Variants in DIP2B observed in about 807,000 individuals in gnomAD.
DIP2B encodes the protein disco-interacting protein 2 homolog B.
Under a neutral mutation model 198.0 loss-of-function variants are expected in DIP2B, and 76 were observed. That is an observed-to-expected ratio of 0.38 (90% confidence interval 0.32 to 0.46). DIP2B has a LOEUF of 0.46. Among genes scored for constraint, DIP2B ranks in the 20% least tolerant of loss-of-function variants. The probability of loss-of-function intolerance (pLI) is 0.99; values close to 1 mark genes in which losing one functional copy is unlikely to be tolerated. For missense variants in DIP2B, 1,559 were observed against 1,978.4 expected, an observed-to-expected ratio of 0.79 and a Z score of 4.02; for synonymous variants, 701 against 739.1, an observed-to-expected ratio of 0.95 and a Z score of 0.84.
intron 1 of DIP2B, among the ~76,000 whole-genome samples, chr12:50,517,838 C>T (rs1319616633): frequency 3.9e-5 from 6 of 151,942 alleles, no homozygotes; most frequent in African/African-American, 1.5e-4. Flanking sequence ...CCTTTTTTTG[C>T]CCGGTTAACT....
At chr12:50,597,792 T>C (rs1418359856) in intron 1 of DIP2B, among the ~76,000 whole-genome samples, 1 of 152,220 alleles carries the variant, frequency 6.6e-6, no homozygotes, top group African/African-American at 2.4e-5. Context: ...TTTTTTGTAA[T>C]TACATTTTCA....
chr12:50,641,348 G>T (rs928330303), intron 3 of DIP2B, among the ~76,000 whole-genome samples: 4 of 152,044 alleles, frequency 2.6e-5, no homozygotes, highest in Non-Finnish European at 5.9e-5. Context: ...CAGTGAGACT[G>T]CATCTCAAAA....
intron 13 of DIP2B, among the ~76,000 whole-genome samples, 178 bp downstream of exon 13, chr12:50,691,329 C>T (rs570770251): frequency 6.6e-6 from 1 of 152,220 alleles, no homozygotes; most frequent in Admixed American, 6.5e-5. Flanking sequence ...TTTAAAGGAA[C>T]CAAAATTCTG....
chr12:50,515,600 C>T (rs1315840881), intron 1 of DIP2B, among the ~76,000 whole-genome samples: 1 of 152,166 alleles, frequency 6.6e-6, no homozygotes, highest in Non-Finnish European at 1.5e-5. Context: ...CTTCTGGCTT[C>T]CTAACCTTCC....
chr12:50,553,955 G>A (rs753863200), intron 1 of DIP2B, among the ~76,000 whole-genome samples: 7 of 151,964 alleles, frequency 4.6e-5, no homozygotes, highest in Non-Finnish European at 7.4e-5. Flanking sequence ...CGCTTGGGCT[G>A]TTTTCCTTTT....
At chr12:50,583,717 A>G (rs1958745336) in intron 1 of DIP2B, among the ~76,000 whole-genome samples, 1 of 152,242 alleles carries the variant, frequency 6.6e-6, no homozygotes, top group Admixed American at 6.5e-5. Flanking sequence ...CCCATCATAA[A>G]TAAAAGAGCA....
At chr12:50,635,368 T>A (rs752583299) in intron 2 of DIP2B, among the ~76,000 whole-genome samples, 16 of 152,254 alleles carry the variant, frequency 1.1e-4, no homozygotes, top group Non-Finnish European at 1.9e-4. Context: ...TCCTGCCTAC[T>A]TATTTTTTAG....
rs1565861875 is a variant in DIP2B at position 50,660,177 on chromosome 12, A to C, written c.302-17A>C. On this transcript the variant is annotated splice_polypyrimidine_tract_variant and intron_variant, in intron 3 of 37. Coordinates refer to ENST00000301180, the MANE Select transcript of DIP2B (RefSeq NM_173602.3). ...CAAGAGCCGGAAGCTAATAAATGCA[A>C]ATGTTTGCTTTTTCAGATATCCACA... 1 of 1,599,960 alleles carries C rather than the reference A, an allele frequency of 6.3e-7. No individual in the cohort carries two copies. The highest frequency in any genetic ancestry group is 8.5e-7 in the Non-Finnish European group (1 of 1,172,502).
intron 1 of DIP2B, among the ~76,000 whole-genome samples, chr12:50,600,168 T>A (rs1958922659): frequency 6.6e-6 from 1 of 152,228 alleles, no homozygotes; most frequent in African/African-American, 2.4e-5. Flanking sequence ...CATGTATGTT[T>A]GAATTATATC....
At chr12:50,507,716 A>G (rs1192979676) in intron 1 of DIP2B, among the ~76,000 whole-genome samples, 1 of 152,084 alleles carries the variant, frequency 6.6e-6, no homozygotes, top group Non-Finnish European at 1.5e-5. Context: ...TTGTATTTAT[A>G]GTAGAGACCG....
At chr12:50,677,302 G>T (rs996247789) in intron 7 of DIP2B, among the ~76,000 whole-genome samples, 1 of 152,078 alleles carries the variant, frequency 6.6e-6, no homozygotes, top group Non-Finnish European at 1.5e-5. Context: ...TTTGTTCCAC[G>T]TGTAAATTAT....
intron 1 of DIP2B, among the ~76,000 whole-genome samples, chr12:50,612,892 C>G (rs183312812): frequency 8.5e-5 from 13 of 152,302 alleles, no homozygotes; most frequent in Admixed American, 7.2e-4. Context: ...CACCCCAGCT[C>G]TATGTTATTC....
rs1274186504 is a variant in DIP2B, at chr12:50,732,365, G to C, written c.3811-1G>C. The C allele has an allele frequency of 6.2e-7, 1 of 1,614,036 alleles. No individual in the cohort carries two copies. On this transcript the variant is annotated splice_acceptor_variant, in intron 31 of 37. Transcript: ENST00000301180. LOFTEE classifies it high-confidence loss of function. ...GGCTCCCATATAATGGTGTCTTGCA[G>C]ACCAGAGGGATCAACCTCTCCTGCG...
At chr12:50,743,608 A>G (rs1940295106) in intron 37 of DIP2B, 1 of 152,200 alleles carries the variant, frequency 6.6e-6, no homozygotes, top group South Asian at 2.1e-4. Flanking sequence ...TTGATTGTTA[A>G]TAGTCAATTA....
chr12:50,684,032 G>A (rs570094965), intron 10 of DIP2B, among the ~76,000 whole-genome samples: 1 of 152,236 alleles, frequency 6.6e-6, no homozygotes, highest in South Asian at 2.1e-4. Context: ...AGGATTGATT[G>A]AACCCAGGAG....
chr12:50,565,456 C>T (rs1029916386), intron 1 of DIP2B, among the ~76,000 whole-genome samples: 10 of 152,082 alleles, frequency 6.6e-5, no homozygotes, highest in Admixed American at 5.9e-4. Context: ...CCACCACGCC[C>T]GGCTAATTGT....
At chr12:50,692,314 T>A (rs968409881) in intron 13 of DIP2B, among the ~76,000 whole-genome samples, 1 of 151,994 alleles carries the variant, frequency 6.6e-6, no homozygotes, top group Non-Finnish European at 1.5e-5. Flanking sequence ...TTTTTTTTTT[T>A]AGGAAGTATC....
At chr12:50,586,721 T>C (rs10783375) in intron 1 of DIP2B, among the ~76,000 whole-genome samples, 61,574 of 151,736 alleles carry the variant, frequency 0.41, 13,461 homozygotes, top group East Asian at 0.75. Flanking sequence ...TACAGGTGTA[T>C]GCCACCACGC....
In DIP2B at chr12:50,744,937, G is replaced by A; in HGVS notation, c.*98G>A. ...CTTCAAACGATGTGAAATAAGCTGAGATGGCTACATGATATTCTTCATCTC... is the reference window on the plus strand; with the variant it reads ...CTTCAAACGATGTGAAATAAGCTGAAATGGCTACATGATATTCTTCATCTC... On this transcript the variant is annotated 3_prime_UTR_variant, in exon 38 of 38. Transcript: ENST00000301180. 2.1e-6 allele frequency: 3 copies of A among 1,402,794 alleles called. No individual in the cohort carries two copies. The allele number at this position is 1,402,794 out of a possible 1,614,324, so 86.9% of individuals were successfully genotyped here.
Sources: gnomAD v4.1 joint callset for allele counts (sites outside exome capture counted in the v4.1 genomes callset) on GRCh38, gnomAD v4.1.1 for gene constraint, MANE v1.5 for transcripts, NCBI Gene and HGNC (gene_info 2026-07-23, HGNC 2026-07-21) for gene names.